Variants in AXDND1 observed in about 807,000 individuals in gnomAD.
AXDND1 encodes axonemal dynein light chain domain-containing protein 1.
A neutral mutation model predicts 137.5 loss-of-function variants in AXDND1; 110 were observed. That is an observed-to-expected ratio of 0.80 (90% CI 0.69 to 0.94). The LOEUF (loss-of-function observed/expected upper bound fraction) is 0.94. Among genes scored for constraint, AXDND1 ranks in the 40% least tolerant of loss-of-function variants. The pLI is 0.00. For synonymous variants in AXDND1, 414 were observed against 399.7 expected (o/e 1.04, Z -0.43); for missense variants, 1,191 against 1,169.8 (o/e 1.02, Z -0.26).
chr1:179,468,745 T>G (rs961581780), intron 17 of AXDND1, 104 bp downstream of exon 17: 2 of 890,922 alleles, frequency 2.2e-6, no homozygotes, highest in Non-Finnish European at 3.2e-6. Flanking sequence ...AATTCTGTGG[T>G]GTTCAGTATA....
chr1:179,438,857 C>A (rs1658589251), intron 15 of AXDND1, among the ~76,000 whole-genome samples: 1 of 152,200 alleles, frequency 6.6e-6, no homozygotes, highest in African/African-American at 2.4e-5. Flanking sequence ...AATATTCCAA[C>A]CCAGATGTTG....
intron 21 of AXDND1, among the ~76,000 whole-genome samples, chr1:179,509,655 C>T (rs1668842518): frequency 6.6e-6 from 1 of 152,166 alleles, no homozygotes; most frequent in South Asian, 2.1e-4. Context: ...GGTAGAAGCT[C>T]CCTGCCACTT....
Position 179,368,816 on chromosome 1 carries a change from G to C in AXDND1, c.114G>C (p.Lys38Asn), listed in dbSNP as rs371069963. 1 of 1,611,424 alleles carries C rather than the reference G, an allele frequency of 6.2e-7. No homozygotes were observed. Among genetic ancestry groups the C allele is most frequent in the South Asian group, 1.1e-5 (1 of 90,694 alleles). Reference sequence around the variant, plus strand: ...CTTACTTAGGACTTCCTGAGCTAAAGGAGAAAAAAAATATGGTGGATCGTT... The same window carrying C: ...CTTACTTAGGACTTCCTGAGCTAAACGAGAAAAAAAATATGGTGGATCGTT... ...KEGTRGLPEL[K>N]EKKNMVDRSK... The change falls in exon 3 of 26, where the codon AAG (lysine) becomes AAC (asparagine). Residue 38 changes from lysine to asparagine, a missense_variant. Lys to Asn is a moderately conservative substitution (Grantham distance 94). Transcript: ENST00000367618.
chr1:179,497,950 A>C (rs1265975608), intron 20 of AXDND1, among the ~76,000 whole-genome samples: 1 of 152,172 alleles, frequency 6.6e-6, no homozygotes, highest in Admixed American at 6.5e-5. Flanking sequence ...ACATCTAGCC[A>C]AGGAGGTGAA....
chr1:179,472,537 C>T (rs1255887298), intron 17 of AXDND1, among the ~76,000 whole-genome samples: 1 of 152,114 alleles, frequency 6.6e-6, no homozygotes, highest in Admixed American at 6.5e-5. Context: ...TTAAAATCTT[C>T]TGTTTCCTTA....
At chr1:179,489,135 T>C (rs1161475903) in intron 18 of AXDND1, among the ~76,000 whole-genome samples, 2 of 125,826 alleles carry the variant, frequency 1.6e-5, no homozygotes, top group Non-Finnish European at 3.4e-5. Context: ...AGAAAAGCAG[T>C]CAATTCATCT....
chr1:179,421,584 A>G (rs1457920384), intron 12 of AXDND1, among the ~76,000 whole-genome samples: 1 of 151,012 alleles, frequency 6.6e-6, no homozygotes. Context: ...GGATTTTACC[A>G]TGTTGGCCAG....
At chr1:179,369,009 A>AT (rs781588046) in intron 3 of AXDND1, 37 bp downstream of exon 3, 9 of 1,520,096 alleles carry the variant, frequency 5.9e-6, no homozygotes, top group Non-Finnish European at 7.2e-6. Flanking sequence ...GGGGAACATT[A>AT]TTTTTTGGGC....
At chr1:179,444,515 TATGTC>T (rs1659453258) in intron 15 of AXDND1, among the ~76,000 whole-genome samples, 1 of 152,156 alleles carries the variant, frequency 6.6e-6, no homozygotes, top group Admixed American at 6.5e-5. Context: ...TATTTATTGA[TATGTC>T]ATGTTCAGGA....
rs754507990 is a variant in AXDND1, at chr1:179,491,649, G to C, written c.2203G>C (p.Glu735Gln). Reference sequence around the variant, plus strand: ...CCTAAAGTTGGAGGAGGAAAGTGCTGAGAAACATGATATAGGAGTTGCGCG... The same window carrying C: ...CCTAAAGTTGGAGGAGGAAAGTGCTCAGAAACATGATATAGGAGTTGCGCG... ...CLLKLEEESA[E>Q]KHDIGVARLE... is the part of the protein sequence containing the mutation. Residue 735 changes from glutamate (E) to glutamine (Q), a missense_variant, in exon 19 of 26, where the codon GAG (glutamate) becomes CAG (glutamine). By Grantham distance (29) the Glu-to-Gln change is conservative. Coordinates refer to ENST00000367618, the MANE Select transcript of AXDND1 (RefSeq NM_144696.6). 2 of 1,613,776 alleles carry C rather than the reference G, an allele frequency of 1.2e-6. No individual in the cohort carries two copies. The highest frequency in any genetic ancestry group is 1.7e-6 in the Non-Finnish European group (2 of 1,179,886).
chr1:179,539,805 C>G (rs1301817800), intron 25 of AXDND1, among the ~76,000 whole-genome samples: 1 of 152,160 alleles, frequency 6.6e-6, no homozygotes, highest in Admixed American at 6.6e-5. Flanking sequence ...ATTCCATTCT[C>G]CCCGTCACTT....
At chr1:179,379,788 C>A (rs1381502055) in intron 6 of AXDND1, among the ~76,000 whole-genome samples, 4 of 71,784 alleles carry the variant, frequency 5.6e-5, no homozygotes, top group African/African-American at 6.1e-5. Flanking sequence ...AAGAGTGAAA[C>A]TCCATCTCAA....
chr1:179,531,722 T>G (rs1029534430), intron 23 of AXDND1, among the ~76,000 whole-genome samples: 1 of 152,132 alleles, frequency 6.6e-6, no homozygotes, highest in Non-Finnish European at 1.5e-5. Context: ...GAGTGGGATC[T>G]TCCCTGAGGC....
intron 3 of AXDND1, 80 bp from the exon 4 acceptor site, chr1:179,369,895 A>T (rs1667862264): frequency 9.4e-7 from 1 of 1,066,312 alleles, no homozygotes; most frequent in African/African-American, 1.6e-5. Flanking sequence ...TAAATACAGT[A>T]CTTACTCAAA....
chr1:179,369,007 T>C (rs1234509040), intron 3 of AXDND1, 35 bp downstream of exon 3: 1 of 1,528,204 alleles, frequency 6.5e-7, no homozygotes, highest in African/African-American at 1.4e-5. Context: ...ATGGGGAACA[T>C]TATTTTTTGG....
intron 15 of AXDND1, among the ~76,000 whole-genome samples, chr1:179,435,560 T>TA (rs1278669296): frequency 1.3e-5 from 2 of 152,186 alleles, no homozygotes; most frequent in Non-Finnish European, 2.9e-5. Context: ...AACCATCTGA[T>TA]ATTTGACCAA....
rs550119118 is a variant in AXDND1 at position 179,493,675 on chromosome 1, A to G, written c.2388+724A>G. Among the ~76,000 whole-genome samples, 58 of 152,304 alleles carry G rather than the reference A, an allele frequency of 3.8e-4. 1 individual carries two copies. In the South Asian group the frequency reaches 0.01, roughly 27 times the overall value. Reference sequence around the variant, plus strand: ...TACATTAGGGAAATTATAGTTAACAATAATTCGCTGTATATTTCAAAATAG... The same window carrying G: ...TACATTAGGGAAATTATAGTTAACAGTAATTCGCTGTATATTTCAAAATAG... On this transcript the variant is annotated intron_variant, in intron 20 of 25. Transcript: ENST00000367618.
chr1:179,518,294 G>T (rs1669731358), intron 21 of AXDND1, among the ~76,000 whole-genome samples: 2 of 151,570 alleles, frequency 1.3e-5, no homozygotes, highest in South Asian at 2.1e-4. Context: ...TCTATTTTTT[G>T]ATTTTCTATT....
At chr1:179,383,857 C>T (rs1396866991) in intron 8 of AXDND1, among the ~76,000 whole-genome samples, 1 of 151,892 alleles carries the variant, frequency 6.6e-6, no homozygotes, top group African/African-American at 2.4e-5. Context: ...GATTGTAAGA[C>T]CCTTATTATT....
Sources: gnomAD v4.1 joint callset for allele counts (sites outside exome capture counted in the v4.1 genomes callset) on GRCh38, gnomAD v4.1.1 for gene constraint, MANE v1.5 for transcripts, NCBI Gene and HGNC (gene_info 2026-07-23, HGNC 2026-07-21) for gene names.